Variants in USP38 observed in about 807,000 individuals in gnomAD.
USP38 encodes the protein ubiquitin carboxyl-terminal hydrolase 38.
In USP38, 49 loss-of-function variants were observed where a neutral mutation model predicts 94.3. The ratio of observed to expected loss-of-function variants is 0.52; its 90% confidence interval spans 0.41 to 0.66. USP38 has a LOEUF of 0.66. Ranked by LOEUF, USP38 falls within the 30% of genes least tolerant of loss-of-function variation. The pLI, the probability that USP38 is intolerant of heterozygous loss-of-function variation, is 0.00. For missense variants in USP38, 1,128 were observed against 1,229.4 expected (o/e 0.92, Z 1.23); for synonymous variants, 468 against 463.6 (o/e 1.01, Z -0.12).
intron 3 of USP38, among the ~76,000 whole-genome samples, chr4:143,196,266 A>T (rs994941078): frequency 6.6e-6 from 1 of 152,082 alleles, no homozygotes; most frequent in East Asian, 1.9e-4. Flanking sequence ...AGATAGCACC[A>T]CTGCACTCCA....
At chr4:143,192,174 A>G (rs946518341) in intron 2 of USP38, among the ~76,000 whole-genome samples, 1 of 152,228 alleles carries the variant, frequency 6.6e-6, no homozygotes, top group Non-Finnish European at 1.5e-5. Flanking sequence ...AGTACCTGCT[A>G]TATAATACAC....
At position 143,214,867 on chromosome 4, in the gene USP38, T is replaced by G. The variant is rs1418528726; in HGVS notation, c.2891T>G (p.Leu964Arg). The change falls in exon 9 of 10, where the codon CTC becomes CGC. Residue 964 changes from leucine to arginine, a missense_variant. Physicochemically the swap from Leu to Arg is moderately radical, Grantham distance 102 (BLOSUM62 -2). Transcript: ENST00000307017. Reference sequence around the variant, plus strand: ...AGTGGTAATAACCCAACCAGTGGACTCTGGATAAATGGAGACCCACCTCTA... The same window carrying G: ...AGTGGTAATAACCCAACCAGTGGACGCTGGATAAATGGAGACCCACCTCTA... ...GLSGNNPTSG[L>R]WINGDPPLQK... 4 of 1,613,606 alleles carry G rather than the reference T, an allele frequency of 2.5e-6. No individual in the cohort carries two copies. Among genetic ancestry groups the G allele is most frequent in the Non-Finnish European group, 3.4e-6 (4 of 1,179,708 alleles).
chr4:143,198,603 T>C (rs1345442826), intron 4 of USP38, among the ~76,000 whole-genome samples: 1 of 152,182 alleles, frequency 6.6e-6, no homozygotes, highest in African/African-American at 2.4e-5. Context: ...TGATTCACCA[T>C]AACAAACTTT....
chr4:143,211,413 C>T (rs1185027657), intron 7 of USP38, among the ~76,000 whole-genome samples: 1 of 151,838 alleles, frequency 6.6e-6, no homozygotes, highest in Non-Finnish European at 1.5e-5. Context: ...AAGGTATATC[C>T]CCATTTTACA....
In USP38 at chr4:143,188,287, G is replaced by A. The variant is rs545321150; in HGVS notation, c.818+326G>A. On this transcript the variant is annotated intron_variant, in intron 2 of 9. Transcript: ENST00000307017. ...CCTGCAACCTATTTCTTTCTTCTGC[G>A]TTTTTTTTTCTTTCTTCCTTAGTAA... Among the ~76,000 whole-genome samples the A allele has an allele frequency of 2.0e-5, 3 of 149,654 alleles. No homozygotes were observed. In the South Asian group the frequency reaches 6.4e-4, roughly 32 times the overall value.
chr4:143,193,398 A>G lies in USP38; in HGVS notation c.819-2318A>G, dbSNP rs566833703. ...AGGTTGTTTGCAGTTCTTCTATACCATAAACAGTGCTACAGTGAATACCCT... is the reference window on the plus strand; with the variant it reads ...AGGTTGTTTGCAGTTCTTCTATACCGTAAACAGTGCTACAGTGAATACCCT... On this transcript the variant is annotated intron_variant, in intron 2 of 9. Transcript: ENST00000307017. Among the ~76,000 whole-genome samples, 8 of 152,346 alleles carry G rather than the reference A, an allele frequency of 5.3e-5. 1 individual carries two copies. The highest frequency in any genetic ancestry group is 1.7e-4 in the African/African-American group (7 of 41,572).
chr4:143,189,463 A>G (rs1049698408), intron 2 of USP38, among the ~76,000 whole-genome samples: 1 of 152,090 alleles, frequency 6.6e-6, no homozygotes, highest in Non-Finnish European at 1.5e-5. Flanking sequence ...ATAAGGTAAC[A>G]TATAAACTGA....
At chr4:143,197,631 C>T (rs1731590699) in intron 3 of USP38, among the ~76,000 whole-genome samples, 192 bp from the exon 4 acceptor site, 1 of 152,216 alleles carries the variant, frequency 6.6e-6, no homozygotes, top group Non-Finnish European at 1.5e-5. Flanking sequence ...AGGCCAGTTA[C>T]ATTACCCTTG....
At chr4:143,186,839 C>G (rs545206501) in intron 1 of USP38, among the ~76,000 whole-genome samples, 1 of 152,312 alleles carries the variant, frequency 6.6e-6, no homozygotes, top group South Asian at 2.1e-4. Flanking sequence ...TGTCTTGGAC[C>G]TTTCAGGTCT....
chr4:143,221,496 G>A lies in USP38; in HGVS notation c.*1040G>A, dbSNP rs1416395751. The A allele has an allele frequency of 6.6e-6, 1 of 152,480 alleles. No homozygotes were observed. The highest frequency in any genetic ancestry group is 2.4e-5 in the African/African-American group (1 of 41,422). The allele number at this position is 152,480 out of a possible 1,614,324, so 9.4% of individuals were successfully genotyped here. ...TAAACATTGATCACATATTTTTAGA[G>A]TTTTACATTTGGGTTTTTTGTTTGT... On this transcript the variant is annotated 3_prime_UTR_variant, in exon 10 of 10. Coordinates refer to ENST00000307017, the MANE Select transcript of USP38 (RefSeq NM_032557.6).
intron 4 of USP38, among the ~76,000 whole-genome samples, chr4:143,199,792 C>T (rs1415340437): frequency 2.0e-5 from 3 of 151,982 alleles, no homozygotes; most frequent in Non-Finnish European, 4.4e-5. Flanking sequence ...TTTTGAAAAG[C>T]GTCTGTTCAT....
chr4:143,193,766 T>C (rs1255083341), intron 2 of USP38, among the ~76,000 whole-genome samples: 2 of 152,218 alleles, frequency 1.3e-5, no homozygotes, highest in Admixed American at 6.5e-5. Context: ...ACACAACTGT[T>C]GTGAAAATAA....
Position 143,185,650 on chromosome 4 carries a change from C to T in USP38, c.200C>T (p.Ala67Val). The change falls in exon 1 of 10, where the codon GCC becomes GTC. Residue 67 changes from alanine to valine, a missense_variant. Physicochemically the swap from Ala to Val is moderately conservative, Grantham distance 64 (BLOSUM62 0). Coordinates refer to ENST00000307017, the MANE Select transcript of USP38 (RefSeq NM_032557.6). ...QRQVGHQVLE[A>V]YARYHRPEFE... is the part of the protein sequence containing the mutation. ...CAGGTGGGGCACCAGGTGCTGGAGG[C>T]CTACGCACGATACCACCGGCCAGAG... The T allele has an allele frequency of 6.2e-7, 1 of 1,614,064 alleles. No individual in the cohort carries two copies. The highest frequency in any genetic ancestry group is 8.5e-7 in the Non-Finnish European group (1 of 1,179,990).
At chr4:143,194,557 G>A (rs1266097065) in intron 2 of USP38, among the ~76,000 whole-genome samples, 1 of 152,104 alleles carries the variant, frequency 6.6e-6, no homozygotes, top group African/African-American at 2.4e-5. Flanking sequence ...GTCCAGGCTG[G>A]AGTGCAGTGG....
In USP38 at chr4:143,223,826, TTATA is replaced by T. The variant is rs1732381683; in HGVS notation, c.*3374_*3377del. ...TTTTTTCTCATAAAAATGTGATAGT[TTATA>T]TATCCTTTCATCATACGTTTTTTCT... On this transcript the variant is annotated 3_prime_UTR_variant, in exon 10 of 10. Coordinates refer to ENST00000307017, the MANE Select transcript of USP38 (RefSeq NM_032557.6). 6.6e-6 allele frequency: 1 copy of T among 152,150 alleles called. No homozygotes were observed. The highest frequency in any genetic ancestry group is 1.5e-5 in the Non-Finnish European group (1 of 68,002). 9.4% of individuals were successfully genotyped at this position (152,150 alleles called of 1,614,324 possible). A position where few individuals can be genotyped will look rare whatever the true frequency, so the allele number is the denominator to read the frequency against.
chr4:143,203,392 C>G lies in USP38; in HGVS notation c.1051-16C>G. On this transcript the variant is annotated splice_polypyrimidine_tract_variant and intron_variant, in intron 4 of 9. Coordinates refer to ENST00000307017, the MANE Select transcript of USP38 (RefSeq NM_032557.6). ...TTTGTATAAATTCAGCATTGTTTAT[C>G]CTTTTTTCTTTTCAGATTGTTCCTC... 6.2e-7 allele frequency: 1 copy of G among 1,602,056 alleles called. No individual in the cohort carries two copies. Among genetic ancestry groups the G allele is most frequent in the Non-Finnish European group, 8.5e-7 (1 of 1,172,972 alleles).
intron 7 of USP38, among the ~76,000 whole-genome samples, chr4:143,209,965 C>T (rs967254071): frequency 1.7e-4 from 26 of 152,028 alleles, no homozygotes; most frequent in African/African-American, 5.3e-4. Context: ...TAAATAAGTT[C>T]CTTCATGAAG....
rs1731862167 is a variant in USP38, at chr4:143,206,165, A to G, written c.1342A>G (p.Ile448Val). The change falls in exon 6 of 10, where the codon ATT becomes GTT. Residue 448 changes from isoleucine to valine, a missense_variant. Coordinates refer to ENST00000307017, the MANE Select transcript of USP38 (RefSeq NM_032557.6). ...ATCTGAAACTGGGAAAACTGGTCTT[A>G]TTAACCTAGGAAATACATGTTATAT... is the stretch of plus-strand genomic sequence containing the variant. ...GKSETGKTGL[I>V]NLGNTCYMNS... 4 of 1,613,678 alleles carry G rather than the reference A, an allele frequency of 2.5e-6. No individual in the cohort carries two copies. Among genetic ancestry groups the G allele is most frequent in the Non-Finnish European group, 3.4e-6 (4 of 1,179,922 alleles).
intron 2 of USP38, among the ~76,000 whole-genome samples, chr4:143,194,058 C>CG (rs1207664451): frequency 6.6e-6 from 1 of 151,948 alleles, no homozygotes; most frequent in Non-Finnish European, 1.5e-5. Flanking sequence ...TGCTGCACTC[C>CG]GGTCTGGGTG....
Sources: allele counts gnomAD v4.1 joint callset (sites outside exome capture counted in the v4.1 genomes callset), GRCh38; gene constraint gnomAD v4.1.1; transcripts MANE v1.5; gene names NCBI Gene and HGNC (gene_info 2026-07-23, HGNC 2026-07-21).